PAFAH1B1: variants seen among roughly 807,000 people sequenced by gnomAD.
The protein encoded by PAFAH1B1 is platelet-activating factor acetylhydrolase IB subunit beta.
In PAFAH1B1, 2 loss-of-function variants were observed where a neutral mutation model predicts 57.5. The ratio of observed to expected loss-of-function variants is 0.03; its 90% CI spans 0.01 to 0.11. The LOEUF (loss-of-function observed/expected upper bound fraction) is 0.11. PAFAH1B1 is among the 10% of genes least tolerant of loss of function. The pLI is 1.00. For missense variants in PAFAH1B1, 257 were observed against 512.0 expected, an observed-to-expected ratio of 0.50 and a Z score of 4.81; for synonymous variants, 152 against 169.6, an observed-to-expected ratio of 0.90 and a Z score of 0.81.
chr17:2,629,636 G>T (rs2068532339), intron 1 of PAFAH1B1, among the ~76,000 whole-genome samples: 1 of 152,016 alleles, frequency 6.6e-6, no homozygotes, highest in Admixed American at 6.6e-5. Flanking sequence ...TTGTTCCTTT[G>T]TTGACTTTCT....
chr17:2,683,519 C>T lies in PAFAH1B1; in HGVS notation c.*1717C>T, dbSNP rs142487524. ...CTGTAGATACACACAGAGACTAGGCCGTATATTAACTAGAAGCAGCTTTAT... is the reference window on the plus strand; with the variant it reads ...CTGTAGATACACACAGAGACTAGGCTGTATATTAACTAGAAGCAGCTTTAT... On this transcript the variant is annotated 3_prime_UTR_variant, in exon 11 of 11. Transcript: ENST00000397195. The T allele has an allele frequency of 3.3e-5, 5 of 152,038 alleles. No individual in the cohort carries two copies. Among genetic ancestry groups the T allele is most frequent in the East Asian group, 1.9e-4 (1 of 5,192 alleles). The allele number at this position is 152,038 out of a possible 1,614,324, so 9.4% of individuals were successfully genotyped here. A position where few individuals can be genotyped will look rare whatever the true frequency, so the allele number is the denominator to read the frequency against.
At chr17:2,660,030 AGGGTACTAAGGATGACTCCATGTGT>A (rs2068993953) in intron 2 of PAFAH1B1, among the ~76,000 whole-genome samples, 1 of 152,004 alleles carries the variant, frequency 6.6e-6, no homozygotes, top group Admixed American at 6.6e-5. Context: ...CTTTTGGAGG[AGGGTACTAAGGATGACTCCATGTGT>A]GCTTCTGGTG....
chr17:2,641,899 C>A (rs954656992), intron 2 of PAFAH1B1: 1 of 152,108 alleles, frequency 6.6e-6, no homozygotes, highest in Non-Finnish European at 1.5e-5. Context: ...AGTCTTGGCA[C>A]GATTGACATT....
chr17:2,593,744 G>C lies in PAFAH1B1; in HGVS notation c.-453G>C. The C allele has an allele frequency of 2.6e-6, 1 of 381,738 alleles. No homozygotes were observed. Among genetic ancestry groups the C allele is most frequent in the Non-Finnish European group, 4.6e-6 (1 of 215,760 alleles). The allele number at this position is 381,738 out of a possible 1,614,324, so 23.6% of individuals were successfully genotyped here. On this transcript the variant is annotated 5_prime_UTR_variant, in exon 1 of 11. Coordinates refer to ENST00000397195, the MANE Select transcript of PAFAH1B1 (RefSeq NM_000430.4). ...AGGAGCAGCGACACGGGAGTCTAGGGAGCGAGAAGGAGAAGGAGGGGAGCG... is the reference window on the plus strand; with the variant it reads ...AGGAGCAGCGACACGGGAGTCTAGGCAGCGAGAAGGAGAAGGAGGGGAGCG...
intron 5 of PAFAH1B1, among the ~76,000 whole-genome samples, chr17:2,669,632 A>G (rs1035677486): frequency 2.6e-5 from 4 of 152,168 alleles, no homozygotes; most frequent in Non-Finnish European, 5.9e-5. Flanking sequence ...ACATCTTCTG[A>G]AATCTTTCCT....
At chr17:2,608,083 T>A (rs1022092550) in intron 1 of PAFAH1B1, among the ~76,000 whole-genome samples, 4 of 152,108 alleles carry the variant, frequency 2.6e-5, no homozygotes, top group Non-Finnish European at 4.4e-5. Flanking sequence ...TACCATATTT[T>A]CTTTTTCTTT....
chr17:2,658,547 A>G (rs897441451), intron 2 of PAFAH1B1, among the ~76,000 whole-genome samples: 3 of 152,178 alleles, frequency 2.0e-5, no homozygotes, highest in Non-Finnish European at 4.4e-5. Flanking sequence ...GCTGGAGGGT[A>G]TATCAGGATG....
chr17:2,629,978 A>G (rs572381586), intron 1 of PAFAH1B1, among the ~76,000 whole-genome samples: 1 of 152,140 alleles, frequency 6.6e-6, no homozygotes, highest in African/African-American at 2.4e-5. Context: ...GTGAGTCCTT[A>G]TGCTTTAGGT....
intron 1 of PAFAH1B1, among the ~76,000 whole-genome samples, chr17:2,601,594 G>A (rs1274420995): frequency 1.3e-5 from 2 of 152,022 alleles, no homozygotes; most frequent in African/African-American, 4.8e-5. Context: ...GGTGCCTGCC[G>A]GCATACCTGG....
At chr17:2,649,469 G>A (rs972554857) in intron 2 of PAFAH1B1, among the ~76,000 whole-genome samples, 2 of 151,700 alleles carry the variant, frequency 1.3e-5, no homozygotes, top group Non-Finnish European at 2.9e-5. Context: ...ACATACTTGG[G>A]AGGCTGAGGC....
chr17:2,657,239 G>A (rs2068948141), intron 2 of PAFAH1B1, among the ~76,000 whole-genome samples: 1 of 152,056 alleles, frequency 6.6e-6, no homozygotes, highest in Admixed American at 6.6e-5. Flanking sequence ...AATCAAGAAT[G>A]TTGAATTTGT....
At chr17:2,675,614 G>A (rs1291535221) in intron 8 of PAFAH1B1, among the ~76,000 whole-genome samples, 2 of 149,880 alleles carry the variant, frequency 1.3e-5, no homozygotes, top group Non-Finnish European at 3.0e-5. Context: ...AACATAGCGA[G>A]ACCCCGTCTC....
intron 1 of PAFAH1B1, among the ~76,000 whole-genome samples, chr17:2,595,949 G>A (rs2068080445): frequency 1.3e-5 from 2 of 152,178 alleles, no homozygotes; most frequent in Non-Finnish European, 2.9e-5. Context: ...TAAGGGAGCA[G>A]AAGCTGTGAA....
At chr17:2,662,966 A>G (rs985775057) in intron 2 of PAFAH1B1, among the ~76,000 whole-genome samples, 1 of 152,064 alleles carries the variant, frequency 6.6e-6, no homozygotes, top group Non-Finnish European at 1.5e-5. Context: ...ATACAAAATT[A>G]GCTGGGCATC....
chr17:2,680,108 G>C lies in PAFAH1B1; in HGVS notation c.1003-56G>C, dbSNP rs2069356016. The C allele has an allele frequency of 1.3e-5, 19 of 1,427,704 alleles. No individual in the cohort carries two copies. In the South Asian group the frequency reaches 2.1e-4, roughly 16 times the overall value. 88.4% of individuals were successfully genotyped at this position (1,427,704 alleles called of 1,614,324 possible). ...TATAGTTTTATCGTATTATGAAATA[G>C]ATGCTATTTAAACATTTTGCCTTTT... On this transcript the variant is annotated intron_variant, in intron 9 of 10. Coordinates refer to ENST00000397195, the MANE Select transcript of PAFAH1B1 (RefSeq NM_000430.4).
intron 2 of PAFAH1B1, chr17:2,659,312 G>A (rs891753647): frequency 1.2e-5 from 2 of 164,418 alleles, no homozygotes; most frequent in Non-Finnish European, 2.7e-5. Context: ...GCCAAGGCGG[G>A]CGGATCACAA....
At chr17:2,681,669 C>A in intron 10 of PAFAH1B1, 60 bp from the exon 11 acceptor site, 1 of 1,323,476 alleles carries the variant, frequency 7.6e-7, no homozygotes, top group Non-Finnish European at 1.1e-6. Flanking sequence ...GGGGGTCTCA[C>A]TATGTTTGTT....
intron 5 of PAFAH1B1, chr17:2,667,403 G>C: frequency 1.9e-6 from 1 of 521,150 alleles, no homozygotes; most frequent in East Asian, 3.5e-5. Context: ...CTATGAAGAG[G>C]GACAGGAGGT....
At chr17:2,608,460 CAA>C (rs1339025989) in intron 1 of PAFAH1B1, among the ~76,000 whole-genome samples, 1 of 152,182 alleles carries the variant, frequency 6.6e-6, no homozygotes, top group Non-Finnish European at 1.5e-5. Flanking sequence ...CTATTACAGA[CAA>C]TGCTGCAGTG....
Sources: allele counts gnomAD v4.1 joint callset (sites outside exome capture counted in the v4.1 genomes callset), GRCh38; gene constraint gnomAD v4.1.1; transcripts MANE v1.5; gene names NCBI Gene and HGNC (gene_info 2026-07-23, HGNC 2026-07-21).